PLA2R1: variants seen among roughly 807,000 people sequenced by gnomAD.
PLA2R1 encodes the protein secretory phospholipase A2 receptor.
In PLA2R1, 158 loss-of-function variants were observed where a neutral mutation model predicts 195.9. That is an observed-to-expected ratio of 0.81 (90% confidence interval 0.71 to 0.92). The LOEUF (loss-of-function observed/expected upper bound fraction) is 0.92, where lower values mean the gene tolerates loss of function less well. Among genes scored for constraint, PLA2R1 ranks in the 40% least tolerant of loss-of-function variants. The probability of loss-of-function intolerance (pLI) is 0.00; values close to 1 mark genes in which losing one functional copy is unlikely to be tolerated. For synonymous variants in PLA2R1, 586 were observed against 598.2 expected, an observed-to-expected ratio of 0.98 and a Z score of 0.30; for missense variants, 1,626 against 1,764.6, an observed-to-expected ratio of 0.92 and a Z score of 1.41.
At chr2:160,009,584 T>A (rs531290659) in intron 10 of PLA2R1, among the ~76,000 whole-genome samples, 1 of 152,060 alleles carries the variant, frequency 6.6e-6, no homozygotes, top group East Asian at 1.9e-4. Flanking sequence ...TTTGGGAAGA[T>A]GAAAAAAGTT....
intron 3 of PLA2R1, among the ~76,000 whole-genome samples, chr2:160,038,636 T>C (rs1458892792): frequency 6.6e-6 from 1 of 152,164 alleles, no homozygotes; most frequent in Non-Finnish European, 1.5e-5. Flanking sequence ...CTGATGGATC[T>C]TTTTGCCATT....
chr2:159,979,857 G>A lies in PLA2R1; in HGVS notation c.2241C>T (p.Gly747=). 1 of 1,604,840 alleles carries A rather than the reference G, an allele frequency of 6.2e-7. No homozygotes were observed. The highest frequency in any genetic ancestry group is 8.5e-7 in the Non-Finnish European group (1 of 1,172,136). ...GFNKRNPLNA[G]SWEWSDRTPV... ...GAGTTCTATCAGACCACTCCCATGAGCCGGCATTCAGTGGGTTTCTTTTAT... is the reference window on the plus strand; with the variant it reads ...GAGTTCTATCAGACCACTCCCATGAACCGGCATTCAGTGGGTTTCTTTTAT... Residue 747 remains glycine, a synonymous_variant, in exon 14 of 30, where the codon GGC becomes GGT. Coordinates refer to ENST00000283243, the MANE Select transcript of PLA2R1 (RefSeq NM_007366.5).
At chr2:159,927,730 A>G (rs1450878299), downstream of PLA2R1, among the ~76,000 whole-genome samples, 1 of 152,190 alleles carries the variant, frequency 6.6e-6, no homozygotes, top group Non-Finnish European at 1.5e-5. Context: ...ATGGTCTGAT[A>G]GCATAGACTC....
chr2:159,955,578 TA>T, intron 22 of PLA2R1, 119 bp downstream of exon 22: 2 of 410,922 alleles, frequency 4.9e-6, no homozygotes, highest in East Asian at 8.8e-5. Context: ...AATATATTAA[TA>T]AAAAACTAAT....
chr2:159,977,850 G>C (rs1689682084), intron 14 of PLA2R1, among the ~76,000 whole-genome samples: 1 of 151,844 alleles, frequency 6.6e-6, no homozygotes. Context: ...GAATGGCGTG[G>C]ACCCAGGAAG....
downstream of PLA2R1, among the ~76,000 whole-genome samples, chr2:159,929,613 G>A (rs1686544297): frequency 6.6e-6 from 1 of 152,080 alleles, no homozygotes; most frequent in African/African-American, 2.4e-5. Context: ...AGAACTAAAG[G>A]TAGAACTACC....
chr2:160,058,777 C>G (rs979094148), intron 1 of PLA2R1, among the ~76,000 whole-genome samples: 2 of 151,952 alleles, frequency 1.3e-5, no homozygotes, highest in African/African-American at 4.8e-5. Flanking sequence ...GAGCAAAGGT[C>G]CCCCACCTTT....
chr2:159,967,410 T>G, intron 20 of PLA2R1, 129 bp downstream of exon 20: 2 of 685,542 alleles, frequency 2.9e-6, no homozygotes, highest in Non-Finnish European at 4.8e-6. Flanking sequence ...TCTTGAAAGT[T>G]GTGACAAAAA....
chr2:159,975,772 T>G (rs1689505212), intron 17 of PLA2R1, among the ~76,000 whole-genome samples: 1 of 152,132 alleles, frequency 6.6e-6, no homozygotes, highest in South Asian at 2.1e-4. Context: ...AGTGATTAAA[T>G]GATCGAATGA....
intron 19 of PLA2R1, among the ~76,000 whole-genome samples, chr2:159,968,991 A>C (rs961780102): frequency 1.1e-4 from 17 of 152,234 alleles, no homozygotes; most frequent in African/African-American, 4.1e-4. Flanking sequence ...ATTTCTTTAA[A>C]GTTTCATTGG....
At chr2:159,965,200 G>T (rs533387178) in intron 20 of PLA2R1, among the ~76,000 whole-genome samples, 11 of 152,278 alleles carry the variant, frequency 7.2e-5, no homozygotes, top group Admixed American at 3.9e-4. Flanking sequence ...CACTCTTTGT[G>T]TTGTACATTC....
intron 20 of PLA2R1, among the ~76,000 whole-genome samples, chr2:159,961,263 C>T (rs1449869250): frequency 2.0e-5 from 3 of 152,164 alleles, no homozygotes; most frequent in Non-Finnish European, 4.4e-5. Flanking sequence ...TTGCCACCTA[C>T]TTATGAAGCC....
At position 159,949,747 on chromosome 2, in the gene PLA2R1, G is replaced by A. The variant is rs1406110220; in HGVS notation, c.3570C>T (p.Gly1190=). 3 of 1,613,904 alleles carry A rather than the reference G, an allele frequency of 1.9e-6. No homozygotes were observed. The highest frequency in any genetic ancestry group is 2.2e-5 in the South Asian group (2 of 91,082). ...DNGLNFDWSD[G]TKSSFTFWKD... is the part of the protein sequence containing the mutation. Reference sequence around the variant, plus strand: ...TCCAAAAAGTGAAAGAAGATTTGGTGCCATCAGACCAGTCAAAATTAAGAC... The same window carrying A: ...TCCAAAAAGTGAAAGAAGATTTGGTACCATCAGACCAGTCAAAATTAAGAC... Residue 1190 remains glycine (G), a synonymous_variant, in exon 25 of 30, where the codon GGC becomes GGT. Coordinates refer to ENST00000283243, the MANE Select transcript of PLA2R1 (RefSeq NM_007366.5).
At chr2:160,014,230 CTTTCT>C (rs1486836901) in intron 9 of PLA2R1, among the ~76,000 whole-genome samples, 34 of 99,048 alleles carry the variant, frequency 3.4e-4, no homozygotes, top group Admixed American at 1.3e-3. Context: ...TTTTCTTTTT[CTTTCT>C]TTTTTTTTTT....
downstream of PLA2R1, among the ~76,000 whole-genome samples, chr2:159,927,897 G>C (rs1005605498): frequency 6.6e-6 from 1 of 152,188 alleles, no homozygotes; most frequent in Admixed American, 6.5e-5. Context: ...TGTATTACTG[G>C]TGAAATCAAA....
chr2:159,955,928 A>G, intron 21 of PLA2R1, 100 bp from the exon 22 acceptor site: 1 of 652,484 alleles, frequency 1.5e-6, no homozygotes, highest in Non-Finnish European at 2.6e-6. Context: ...AATGCCAGCA[A>G]AACATAATTA....
intron 6 of PLA2R1, among the ~76,000 whole-genome samples, chr2:160,024,063 G>A (rs1176203583): frequency 6.6e-6 from 1 of 152,150 alleles, no homozygotes; most frequent in East Asian, 1.9e-4. Context: ...GCCCATTTGA[G>A]GGAGCTGCCT....
At chr2:160,050,675 T>A (rs1695162469) in intron 1 of PLA2R1, among the ~76,000 whole-genome samples, 1 of 152,184 alleles carries the variant, frequency 6.6e-6, no homozygotes, top group Non-Finnish European at 1.5e-5. Context: ...GATATATATG[T>A]CATAGTGTTT....
chr2:159,948,443 CA>C (rs1295071077), intron 25 of PLA2R1, among the ~76,000 whole-genome samples: 4 of 150,884 alleles, frequency 2.7e-5, no homozygotes, highest in Non-Finnish European at 4.4e-5. Flanking sequence ...CTGTGTTAAC[CA>C]AGCTGGTCTC....
Sources: allele counts gnomAD v4.1 joint callset (sites outside exome capture counted in the v4.1 genomes callset), GRCh38; gene constraint gnomAD v4.1.1; transcripts MANE v1.5; gene names NCBI Gene and HGNC (gene_info 2026-07-23, HGNC 2026-07-21).